The following CLCN1 variants were observed in gnomAD, a reference collection of about 807,000 sequenced individuals.
CLCN1 encodes chloride voltage-gated channel 1, also known as chloride channel protein 1.
Under a neutral mutation model 114.5 loss-of-function variants are expected in CLCN1, and 100 were observed. That is an observed-to-expected ratio of 0.87 (90% CI 0.74 to 1.03). The LOEUF (loss-of-function observed/expected upper bound fraction) is 1.03. Ranked by LOEUF, CLCN1 falls within the 50% of genes least tolerant of loss-of-function variation. The pLI, the probability that CLCN1 is intolerant of heterozygous loss-of-function variation, is 0.00. For missense variants in CLCN1, 1,188 were observed against 1,250.0 expected, an observed-to-expected ratio of 0.95 and a Z score of 0.75; for synonymous variants, 485 against 487.1, an observed-to-expected ratio of 1.00 and a Z score of 0.06.
chr7:143,316,665 A>G (rs1802298917), intron 1 of CLCN1, among the ~76,000 whole-genome samples: 1 of 152,224 alleles, frequency 6.6e-6, no homozygotes, highest in Non-Finnish European at 1.5e-5. Context: ...CCTCACATGC[A>G]TGAATAGCTC....
intron 15 of CLCN1, 68 bp downstream of exon 15, chr7:143,342,210 G>C (rs919287505): frequency 6.5e-7 from 1 of 1,541,404 alleles, no homozygotes; most frequent in African/African-American, 1.4e-5. Flanking sequence ...GGCTGAGACT[G>C]AGCTTAGAGT....
chr7:143,324,295 G>A lies in CLCN1; in HGVS notation c.775-119G>A. 1 of 776,486 alleles carries A rather than the reference G, an allele frequency of 1.3e-6. No homozygotes were observed. Among genetic ancestry groups the A allele is most frequent in the Admixed American group, 1.9e-5 (1 of 52,920 alleles). 48.1% of individuals were successfully genotyped at this position (776,486 alleles called of 1,614,324 possible). ...AATCACAGGGGACATGGGACCACAAGGACTCCTTTTGACTTAGGCCTCTCA... is the reference window on the plus strand; with the variant it reads ...AATCACAGGGGACATGGGACCACAAAGACTCCTTTTGACTTAGGCCTCTCA... On this transcript the variant is annotated intron_variant, in intron 6 of 22. Transcript: ENST00000343257. The surrounding 1 kb of genome is among the most constrained non-coding windows in gnomAD (Gnocchi z 4.6).
intron 14 of CLCN1, among the ~76,000 whole-genome samples, chr7:143,341,263 A>T (rs1192918711): frequency 6.6e-6 from 1 of 152,176 alleles, no homozygotes; most frequent in Non-Finnish European, 1.5e-5. Context: ...GAGTTGTAAA[A>T]TGCTCAGTGA....
chr7:143,323,922 C>T (rs370223906), intron 6 of CLCN1: 10 of 463,190 alleles, frequency 2.2e-5, no homozygotes, highest in Admixed American at 1.2e-4. Context: ...CTCCCTATCC[C>T]GGTTGCCTAA....
In CLCN1 at chr7:143,332,922, T is replaced by A. The variant is rs913166904; in HGVS notation, c.1401+49T>A. The A allele has an allele frequency of 6.9e-6, 11 of 1,599,534 alleles. No homozygotes were observed. The Admixed American group carries it at 1.8e-4, about 27-fold the overall frequency. ...ACCCTAAACCTCCATCTGTTTTCAATCTATGAACCCAGGGTTTGCATAGGG... is the reference window on the plus strand; with the variant it reads ...ACCCTAAACCTCCATCTGTTTTCAAACTATGAACCCAGGGTTTGCATAGGG... On this transcript the variant is annotated intron_variant, in intron 12 of 22. Transcript: ENST00000343257.
At chr7:143,338,750 G>T (rs908580350) in intron 12 of CLCN1, among the ~76,000 whole-genome samples, 4 of 148,226 alleles carry the variant, frequency 2.7e-5, no homozygotes, top group Non-Finnish European at 4.4e-5. Flanking sequence ...TCATGGTACT[G>T]CACTCCAGCT....
intron 18 of CLCN1, 43 bp downstream of exon 18, chr7:143,346,294 TTC>T: frequency 7.5e-7 from 1 of 1,335,146 alleles, no homozygotes. Flanking sequence ...CCCTTGTGGG[TTC>T]TCTCTGGTCA....
chr7:143,328,832 T>C (rs1470707723), intron 7 of CLCN1, among the ~76,000 whole-genome samples: 1 of 152,156 alleles, frequency 6.6e-6, no homozygotes, highest in Non-Finnish European at 1.5e-5. Flanking sequence ...TTCCTGAAAT[T>C]CTGTTCTCTT....
At chr7:143,340,581 G>A (rs1803051105) in intron 14 of CLCN1, among the ~76,000 whole-genome samples, 1 of 151,798 alleles carries the variant, frequency 6.6e-6, no homozygotes, top group Non-Finnish European at 1.5e-5. Context: ...CTGTTGCCCA[G>A]GAGTGCAGTG....
chr7:143,332,892 GCAACACCC>G lies in CLCN1; in HGVS notation c.1401+20_1401+27del. On this transcript the variant is annotated intron_variant, in intron 12 of 22. Transcript: ENST00000343257. ...CATGAAGGTACTGCTCCTGACACTAGCAACACCCTAAACCTCCATCTGTTTTCAATCTA... is the reference window on the plus strand; with the variant it reads ...CATGAAGGTACTGCTCCTGACACTAGTAAACCTCCATCTGTTTTCAATCTA... The G allele has an allele frequency of 1.2e-6, 2 of 1,613,538 alleles. No individual in the cohort carries two copies. The highest frequency in any genetic ancestry group is 1.6e-4 in the Middle Eastern group (1 of 6,062).
At chr7:143,344,761 T>TC (rs1803181860) in intron 16 of CLCN1, among the ~76,000 whole-genome samples, 2 of 150,332 alleles carry the variant, frequency 1.3e-5, no homozygotes, top group South Asian at 4.2e-4. Context: ...GTTTTTTTTT[T>TC]TTTTTTTTAA....
At chr7:143,323,175 C>T (rs1039298390) in intron 5 of CLCN1, 134 bp from the exon 6 acceptor site, 2 of 688,466 alleles carry the variant, frequency 2.9e-6, no homozygotes, top group Non-Finnish European at 5.3e-6. Flanking sequence ...CTCGTGAGGG[C>T]AGGACCTCTG....
chr7:143,323,886 C>T, intron 6 of CLCN1: 1 of 471,348 alleles, frequency 2.1e-6, no homozygotes, highest in South Asian at 1.5e-5. Flanking sequence ...TGCTTTGCAG[C>T]CCCTGTCGGA....
chr7:143,316,930 C>T (rs1174278875), intron 1 of CLCN1, among the ~76,000 whole-genome samples: 2 of 152,180 alleles, frequency 1.3e-5, no homozygotes, highest in African/African-American at 4.8e-5. Context: ...GATGTACAAG[C>T]TTTTAGGTCG....
intron 18 of CLCN1, 118 bp from the exon 19 acceptor site, chr7:143,346,461 G>C (rs1803249921): frequency 3.6e-6 from 3 of 830,786 alleles, no homozygotes; most frequent in Admixed American, 1.8e-5. Flanking sequence ...GGGTAGAAGA[G>C]AGGGTGAGGT....
chr7:143,332,805 C>T lies in CLCN1; in HGVS notation c.1333C>T (p.Gln445Ter). ...CGCGGGTGATCCTGAGAGCCTGGGC[C>T]AGTCAGCTGTGTGGATTCACCCCCG... ...KHAGDPESLG[Q>*]SAVWIHPRVN... Residue 445 changes from glutamine (Q) to a stop codon, truncating the protein, a stop_gained, in exon 12 of 23, where the codon CAG becomes TAG. Transcript: ENST00000343257. LOFTEE classifies it high-confidence loss of function. 2 of 1,614,138 alleles carry T rather than the reference C, an allele frequency of 1.2e-6. No homozygotes were observed. Among genetic ancestry groups the T allele is most frequent in the South Asian group, 2.2e-5 (2 of 91,074 alleles).
chr7:143,320,868 G>C (rs374229462), intron 3 of CLCN1, 73 bp downstream of exon 3: 2 of 1,553,394 alleles, frequency 1.3e-6, no homozygotes, highest in Admixed American at 3.3e-5. Context: ...GTGTGTTATC[G>C]GAAGCGAATG....
intron 15 of CLCN1, 31 bp from the exon 16 acceptor site, chr7:143,342,341 G>C: frequency 6.2e-7 from 1 of 1,613,722 alleles, no homozygotes; most frequent in Non-Finnish European, 8.5e-7. Flanking sequence ...TATACGGTGG[G>C]GCTAACCCAC....
chr7:143,331,339 T>G (rs754229555), intron 9 of CLCN1, 23 bp downstream of exon 9: 2 of 1,524,460 alleles, frequency 1.3e-6, no homozygotes, highest in South Asian at 1.1e-5. Context: ...ACCTGCTCTG[T>G]GTGTGGTGAG....
Sources: gnomAD v4.1 joint callset for allele counts (sites outside exome capture counted in the v4.1 genomes callset) on GRCh38, gnomAD v4.1.1 for gene constraint, Gnocchi (gnomAD v3.1) non-coding constraint, MANE v1.5 for transcripts, NCBI Gene and HGNC (gene_info 2026-07-23, HGNC 2026-07-21) for gene names.